COL15A1: variants seen among roughly 807,000 people sequenced by gnomAD.
COL15A1 encodes the protein collagen type XV alpha 1 chain.
Under a neutral mutation model 165.9 loss-of-function variants are expected in COL15A1, and 111 were observed. That is an observed-to-expected ratio of 0.67 (90% confidence interval 0.57 to 0.78). The LOEUF (loss-of-function observed/expected upper bound fraction) is 0.78. Among genes scored for constraint, COL15A1 ranks in the 30% least tolerant of loss-of-function variants. COL15A1 has a pLI of 0.00. For missense variants in COL15A1, 1,745 were observed against 1,789.7 expected (o/e 0.98, Z 0.45); for synonymous variants, 659 against 674.8 (o/e 0.98, Z 0.36).
chr9:98,978,251 T>G (rs1368678990), intron 2 of COL15A1, among the ~76,000 whole-genome samples: 1 of 152,230 alleles, frequency 6.6e-6, no homozygotes, highest in Non-Finnish European at 1.5e-5. Flanking sequence ...CTACTGGCCA[T>G]GGGAAGCACT....
At chr9:99,027,563 C>T (rs1025941702) in intron 16 of COL15A1, among the ~76,000 whole-genome samples, 5 of 150,776 alleles carry the variant, frequency 3.3e-5, no homozygotes, top group Non-Finnish European at 5.9e-5. Context: ...CCCACACACA[C>T]CCCTCCCATA....
intron 11 of COL15A1, among the ~76,000 whole-genome samples, chr9:99,019,340 G>A (rs1838989263): frequency 1.3e-5 from 2 of 152,042 alleles, no homozygotes; most frequent in Admixed American, 1.3e-4. Context: ...ATTACAGACA[G>A]ACATGTGCCG....
At chr9:99,054,815 T>A (rs1414625231) in intron 32 of COL15A1, among the ~76,000 whole-genome samples, 159 bp downstream of exon 32, 2 of 152,222 alleles carry the variant, frequency 1.3e-5, no homozygotes, top group African/African-American at 4.8e-5. Context: ...GGGCCTGGCA[T>A]GTCCAATAGG....
Position 99,059,912 on chromosome 9 carries a change from G to A in COL15A1, c.3361G>A (p.Gly1121Ser). 1 of 1,613,864 alleles carries A rather than the reference G, an allele frequency of 6.2e-7. No individual in the cohort carries two copies. Among genetic ancestry groups the A allele is most frequent in the Non-Finnish European group, 8.5e-7 (1 of 1,179,894 alleles). Residue 1121 changes from glycine to serine, a missense_variant, in exon 36 of 42, where the codon GGC (glycine) becomes AGC (serine). Transcript: ENST00000375001. ...AGCTGTGGCCCTTCCAGGTCCCCCTGGCCCTCCAGGACAGCCAGGGCTTCC... is the reference window on the plus strand; with the variant it reads ...AGCTGTGGCCCTTCCAGGTCCCCCTAGCCCTCCAGGACAGCCAGGGCTTCC... ...GAAVALPGPP[G>S]PPGQPGLPGS...
chr9:99,018,614 A>G (rs1356934183), intron 11 of COL15A1, among the ~76,000 whole-genome samples: 2 of 152,238 alleles, frequency 1.3e-5, no homozygotes, highest in Non-Finnish European at 2.9e-5. Flanking sequence ...AATTGGGCAT[A>G]ATTTAATTAG....
intron 2 of COL15A1, among the ~76,000 whole-genome samples, chr9:98,960,435 A>G (rs930570076): frequency 8.5e-5 from 13 of 152,276 alleles, no homozygotes; most frequent in African/African-American, 3.1e-4. Flanking sequence ...GAAAAGAAAT[A>G]CAGGATCCCA....
chr9:98,944,702 A>T (rs1200884770), intron 2 of COL15A1, among the ~76,000 whole-genome samples: 1 of 152,246 alleles, frequency 6.6e-6, no homozygotes, highest in Admixed American at 6.5e-5. Context: ...CTGCTCAAGA[A>T]ATAACGGAAC....
At position 99,047,839 on chromosome 9, in the gene COL15A1, T is replaced by C; in HGVS notation, c.2733T>C (p.Pro911=). 6.2e-7 allele frequency: 1 copy of C among 1,613,724 alleles called. No homozygotes were observed. The highest frequency in any genetic ancestry group is 8.5e-7 in the Non-Finnish European group (1 of 1,179,868). Residue 911 remains proline (P), a splice_region_variant and synonymous_variant, in exon 27 of 42, where the codon CCT becomes CCC. Coordinates refer to ENST00000375001, the MANE Select transcript of COL15A1 (RefSeq NM_001855.5). ...GAGAATTTGGCCTTCCCGGGCGACC[T>C]GTAGGTATCAGTGTTCATTGGACAG... ...HKGEFGLPGR[P]GRPGLNGLKG...
At chr9:99,026,072 C>G (rs892579436) in intron 16 of COL15A1, 106 bp downstream of exon 16, 3 of 1,072,632 alleles carry the variant, frequency 2.8e-6, no homozygotes, top group Admixed American at 5.6e-5. Context: ...GACCCCCTGG[C>G]CTCCTGAAAT....
intron 11 of COL15A1, among the ~76,000 whole-genome samples, chr9:99,016,591 G>GCT (rs1201095805): frequency 6.6e-6 from 1 of 152,230 alleles, no homozygotes; most frequent in African/African-American, 2.4e-5. Context: ...ATGAGTGGCT[G>GCT]CAAGGCCAAG....
chr9:99,033,851 C>T (rs1240931896), intron 16 of COL15A1, among the ~76,000 whole-genome samples: 1 of 152,126 alleles, frequency 6.6e-6, no homozygotes, highest in African/African-American at 2.4e-5. Context: ...GGCCCCCTAC[C>T]ACAGTCCTCT....
At chr9:99,054,511 A>T in intron 31 of COL15A1, 65 bp from the exon 32 acceptor site, 1 of 1,503,576 alleles carries the variant, frequency 6.7e-7, no homozygotes, top group African/African-American at 1.4e-5. Context: ...CCTGTCTCAG[A>T]AAGGTTTTAT....
In COL15A1 at chr9:99,022,197, G is replaced by T. The variant is rs370647683; in HGVS notation, c.1761+47G>T. The T allele has an allele frequency of 2.5e-6, 4 of 1,612,320 alleles. No individual in the cohort carries two copies. In the South Asian group the frequency reaches 4.4e-5, roughly 18 times the overall value. On this transcript the variant is annotated intron_variant, in intron 13 of 41. Coordinates refer to ENST00000375001, the MANE Select transcript of COL15A1 (RefSeq NM_001855.5). Reference sequence around the variant, plus strand: ...GTCACACACACAGGTGTAAGACCAGGGATGCGGCCAAAACAGCCACAGGCT... The same window carrying T: ...GTCACACACACAGGTGTAAGACCAGTGATGCGGCCAAAACAGCCACAGGCT...
rs1839285463 is a variant in COL15A1, at chr9:99,035,463, C to T, written c.2289+45C>T. The T allele has an allele frequency of 1.9e-6, 3 of 1,606,636 alleles. No homozygotes were observed. The South Asian group carries it at 3.3e-5, about 18-fold the overall frequency. On this transcript the variant is annotated intron_variant, in intron 19 of 41. Coordinates refer to ENST00000375001, the MANE Select transcript of COL15A1 (RefSeq NM_001855.5). ...TTCATTATGAGGGTTGTCACACTGT[C>T]ACACTACAGTGAGGAAGCTGTGGGC...
intron 9 of COL15A1, among the ~76,000 whole-genome samples, chr9:99,012,089 A>T (rs1004780340): frequency 1.4e-4 from 21 of 152,238 alleles, no homozygotes; most frequent in African/African-American, 4.8e-4. Context: ...TAAGTATGAA[A>T]TTGCTTGATC....
intron 2 of COL15A1, among the ~76,000 whole-genome samples, chr9:98,965,409 G>A (rs568537087): frequency 4.6e-5 from 7 of 152,322 alleles, no homozygotes; most frequent in Non-Finnish European, 7.3e-5. Context: ...CATCTCATCT[G>A]AAAATGGCAT....
At chr9:99,029,799 C>T (rs1839185828) in intron 16 of COL15A1, among the ~76,000 whole-genome samples, 2 of 152,120 alleles carry the variant, frequency 1.3e-5, no homozygotes, top group African/African-American at 2.4e-5. Flanking sequence ...GTGGTGGGCA[C>T]CTGTAATCCC....
intron 11 of COL15A1, among the ~76,000 whole-genome samples, chr9:99,018,932 C>T (rs370976919): frequency 2.6e-5 from 4 of 151,970 alleles, no homozygotes; most frequent in African/African-American, 9.7e-5. Flanking sequence ...ACTATGGTGG[C>T]TTACAATTTT....
chr9:98,944,258 A>C lies in COL15A1; in HGVS notation c.100+8A>C, dbSNP rs1564000038. 3 of 1,612,638 alleles carry C rather than the reference A, an allele frequency of 1.9e-6. No individual in the cohort carries two copies. Among genetic ancestry groups the C allele is most frequent in the Admixed American group, 1.7e-5 (1 of 59,932 alleles). On this transcript the variant is annotated splice_region_variant and intron_variant, in intron 2 of 41. Transcript: ENST00000375001. ...AGACCCGCGGTGCGACAGGTAAGCA[A>C]CCCGGTCGGAGGGTGGCACCGGCTG...
Sources: allele counts gnomAD v4.1 joint callset (sites outside exome capture counted in the v4.1 genomes callset), GRCh38; gene constraint gnomAD v4.1.1; transcripts MANE v1.5; gene names NCBI Gene and HGNC (gene_info 2026-07-23, HGNC 2026-07-21).